ANTXR2: variants seen among roughly 807,000 people sequenced by gnomAD.
ANTXR2 encodes anthrax toxin receptor 2.
ANTXR2 carries 44 observed loss-of-function variants against 73.7 expected under a neutral mutation model. The observed-to-expected ratio is 0.60, with a 90% CI of 0.47 to 0.77. ANTXR2 has a LOEUF of 0.77. Among genes scored for constraint, ANTXR2 ranks in the 30% least tolerant of loss-of-function variants. The probability of loss-of-function intolerance (pLI) is 0.00; values close to 1 mark genes in which losing one functional copy is unlikely to be tolerated. For synonymous variants in ANTXR2, 217 were observed against 205.9 expected (o/e 1.05, Z -0.46); for missense variants, 604 against 592.5 (o/e 1.02, Z -0.20).
chr4:79,956,120 A>G (rs1728876954), intron 16 of ANTXR2, among the ~76,000 whole-genome samples: 1 of 152,188 alleles, frequency 6.6e-6, no homozygotes, highest in Non-Finnish European at 1.5e-5. Flanking sequence ...CTTATTCTGT[A>G]TAAACTTGCT....
intron 12 of ANTXR2, among the ~76,000 whole-genome samples, chr4:79,991,401 T>G (rs34859312): frequency 0.07 from 10,682 of 152,162 alleles, 454 homozygotes; most frequent in Middle Eastern, 0.11. Context: ...CACAACAAGA[T>G]ACCATCTCAC....
chr4:79,921,594 A>C (rs912563955), intron 16 of ANTXR2, among the ~76,000 whole-genome samples: 6 of 152,102 alleles, frequency 3.9e-5, no homozygotes, highest in African/African-American at 1.2e-4. Flanking sequence ...TGTTTTATGG[A>C]TAAGACTTTG....
At chr4:80,013,833 G>T (rs1216857154) in intron 11 of ANTXR2, among the ~76,000 whole-genome samples, 1 of 152,052 alleles carries the variant, frequency 6.6e-6, no homozygotes, top group African/African-American at 2.4e-5. Flanking sequence ...ACAAGGCAAT[G>T]GTTAAATTTA....
rs550278039 is a variant in ANTXR2, at chr4:80,065,597, G to A, written c.296+3839C>T. On this transcript the variant is annotated intron_variant, in intron 3 of 16. Coordinates refer to ENST00000403729, the MANE Select transcript of ANTXR2 (RefSeq NM_058172.6). ...TAAAAGAATAAGGTTTTTAAGTTACGAGTATATAAAATGCATAACATCATT... is the reference window on the plus strand; with the variant it reads ...TAAAAGAATAAGGTTTTTAAGTTACAAGTATATAAAATGCATAACATCATT... 3.5e-4 allele frequency among the ~76,000 whole-genome samples: 53 copies of A among 152,276 alleles called. 1 individual carries two copies. The East Asian group carries it at 4.2e-3, about 12-fold the overall frequency.
chr4:80,008,494 G>C, intron 12 of ANTXR2, 27 bp downstream of exon 12: 1 of 1,538,068 alleles, frequency 6.5e-7, no homozygotes, highest in Non-Finnish European at 8.9e-7. Context: ...TTTTTTTTAA[G>C]TAGAGTTGTA....
At chr4:80,070,355 G>C (rs1212103843) in intron 2 of ANTXR2, among the ~76,000 whole-genome samples, 1 of 152,204 alleles carries the variant, frequency 6.6e-6, no homozygotes, top group Non-Finnish European at 1.5e-5. Flanking sequence ...TTAAAAACCA[G>C]ATCAATGAGT....
chr4:79,928,450 G>A (rs12510107), intron 16 of ANTXR2, among the ~76,000 whole-genome samples: 82,374 of 151,974 alleles, frequency 0.54, 25,657 homozygotes, highest in East Asian at 0.94. Context: ...GCACAGCAAT[G>A]TGAATATATT....
chr4:80,036,149 G>GA (rs1732948397), intron 7 of ANTXR2, 117 bp from the exon 8 acceptor site: 1 of 819,974 alleles, frequency 1.2e-6, no homozygotes, highest in Non-Finnish European at 1.9e-6. Context: ...AGATCTCAGA[G>GA]AAAATCTATT....
At chr4:79,995,286 TA>T (rs1443518295) in intron 12 of ANTXR2, among the ~76,000 whole-genome samples, 1 of 151,980 alleles carries the variant, frequency 6.6e-6, no homozygotes, top group Non-Finnish European at 1.5e-5. Context: ...CTAAAGGTAC[TA>T]AAAATATACT....
chr4:80,065,401 T>A (rs1734450058), intron 3 of ANTXR2, among the ~76,000 whole-genome samples: 1 of 152,086 alleles, frequency 6.6e-6, no homozygotes, highest in Non-Finnish European at 1.5e-5. Flanking sequence ...ACACACTAGA[T>A]TACTTATCTT....
intron 7 of ANTXR2, among the ~76,000 whole-genome samples, chr4:80,041,216 G>C (rs1273644887): frequency 6.6e-6 from 1 of 151,852 alleles, no homozygotes; most frequent in Admixed American, 6.6e-5. Context: ...AGGTTTTATT[G>C]AGTCCAAACC....
intron 12 of ANTXR2, among the ~76,000 whole-genome samples, chr4:79,993,239 G>A (rs981886002): frequency 1.3e-5 from 2 of 151,562 alleles, no homozygotes; most frequent in Non-Finnish European, 2.9e-5. Flanking sequence ...AAGTGAGAAG[G>A]GGAGAGAAAA....
chr4:80,049,871 T>C (rs1268491760), intron 7 of ANTXR2, among the ~76,000 whole-genome samples: 1 of 151,714 alleles, frequency 6.6e-6, no homozygotes, highest in Non-Finnish European at 1.5e-5. Context: ...TAATTAACAT[T>C]TGACAGCTAA....
rs777826970 is a variant in ANTXR2 at position 80,071,681 on chromosome 4, A to T, written c.153-27T>A. ...TGAAAGATGAAATTGAACTGATCAG[A>T]GAAACAAAACACGGAACTGAAAAGT... On this transcript the variant is annotated intron_variant, in intron 1 of 16. Transcript: ENST00000403729. 71 of 1,565,048 alleles carry T rather than the reference A, an allele frequency of 4.5e-5. No individual in the cohort carries two copies. In the Admixed American group the frequency reaches 1.2e-3, roughly 26 times the overall value.
intron 3 of ANTXR2, among the ~76,000 whole-genome samples, chr4:80,066,853 A>G (rs1327955014): frequency 3.3e-5 from 5 of 152,196 alleles, no homozygotes; most frequent in Non-Finnish European, 7.3e-5. Context: ...ACACGCAGGT[A>G]GATTTGGTCT....
chr4:79,992,369 CA>C (rs1158439506), intron 12 of ANTXR2, among the ~76,000 whole-genome samples: 3 of 151,210 alleles, frequency 2.0e-5, no homozygotes, highest in African/African-American at 4.9e-5. Flanking sequence ...AGTTTAGATC[CA>C]AACCTCAGGG....
intron 3 of ANTXR2, among the ~76,000 whole-genome samples, chr4:80,060,576 C>T (rs778796303): frequency 3.9e-5 from 6 of 152,120 alleles, no homozygotes; most frequent in South Asian, 4.1e-4. Context: ...CTTGTTTCTT[C>T]ATTTATAAAA....
intron 10 of ANTXR2, among the ~76,000 whole-genome samples, chr4:80,028,897 T>C (rs1478723852): frequency 6.6e-6 from 1 of 152,086 alleles, no homozygotes; most frequent in Non-Finnish European, 1.5e-5. Context: ...GTAAAATAAA[T>C]AATGATGTCC....
intron 12 of ANTXR2, among the ~76,000 whole-genome samples, chr4:79,993,744 C>CCACA (rs370293519): frequency 6.9e-5 from 5 of 72,948 alleles, no homozygotes; most frequent in Non-Finnish European, 2.9e-5. Context: ...TGGCAATACA[C>CCACA]CACACACACA....
Sources: allele counts gnomAD v4.1 joint callset (sites outside exome capture counted in the v4.1 genomes callset), GRCh38; gene constraint gnomAD v4.1.1; transcripts MANE v1.5; gene names NCBI Gene and HGNC (gene_info 2026-07-23, HGNC 2026-07-21).